MED14: variants seen among roughly 807,000 people sequenced by gnomAD.
MED14 encodes mediator of RNA polymerase II transcription subunit 14.
A neutral mutation model predicts 109.0 loss-of-function variants in MED14; 8 were observed. The observed-to-expected ratio is 0.07, with a 90% CI of 0.04 to 0.13. MED14 has a LOEUF of 0.13. Among genes scored for constraint, MED14 ranks in the 10% least tolerant of loss-of-function variants. MED14 has a pLI of 1.00. For missense variants in MED14, 711 were observed against 1,142.4 expected, an observed-to-expected ratio of 0.62 and a Z score of 5.44; for synonymous variants, 399 against 408.7, an observed-to-expected ratio of 0.98 and a Z score of 0.29.
At chrX:40,735,816 T>G, upstream of MED14, 1 of 331,443 alleles carries the variant, frequency 3.0e-6, no homozygotes, top group Non-Finnish European at 5.8e-6. Context: ...CTCAGCTGTC[T>G]AGCACCGCAG....
chrX:40,696,394 C>A (rs1314821508), intron 13 of MED14, among the ~76,000 whole-genome samples: 1 of 110,788 alleles, frequency 9.0e-6, no homozygotes, highest in African/African-American at 3.3e-5. Flanking sequence ...CCCGCCTCAG[C>A]CTCCCAAGTG....
intron 10 of MED14, among the ~76,000 whole-genome samples, chrX:40,706,249 C>G (rs918454814): frequency 1.8e-5 from 2 of 111,716 alleles, no homozygotes; most frequent in African/African-American, 6.5e-5. Flanking sequence ...TAAATGCATG[C>G]ACATGAATTT....
At chrX:40,656,282 G>A (rs1164054075) in intron 28 of MED14, among the ~76,000 whole-genome samples, 1 of 111,555 alleles carries the variant, frequency 9.0e-6, no homozygotes, top group African/African-American at 3.3e-5. Context: ...CCTACCAAAA[G>A]TCAAGTCAAA....
At chrX:40,665,314 A>G (rs1235997589) in intron 24 of MED14, among the ~76,000 whole-genome samples, 1 of 111,518 alleles carries the variant, frequency 9.0e-6, no homozygotes, top group Non-Finnish European at 1.9e-5. Context: ...GCTTGAGTCC[A>G]GGAGTTCGAG....
chrX:40,665,341 C>T (rs1201550946), intron 24 of MED14, among the ~76,000 whole-genome samples: 3 of 110,928 alleles, frequency 2.7e-5, no homozygotes, highest in South Asian at 7.7e-4. Context: ...CTGGGCAACA[C>T]GGCAAAACCC....
At chrX:40,713,653 G>A (rs936111034) in intron 5 of MED14, 125 bp downstream of exon 5, 6 of 718,370 alleles carry the variant, frequency 8.4e-6, no homozygotes, top group Non-Finnish European at 1.2e-5. Context: ...ATGTTGGCCA[G>A]GCTGGTCTCA....
At chrX:40,728,809 T>C (rs1931980886) in intron 2 of MED14, among the ~76,000 whole-genome samples, 1 of 108,552 alleles carries the variant, frequency 9.2e-6, no homozygotes, top group African/African-American at 3.5e-5. Context: ...AGTGATAAAT[T>C]AGCAGCCAAC....
chrX:40,650,488 C>T lies in MED14; in HGVS notation c.*1318G>A, dbSNP rs931629015. 4.3e-5 allele frequency: 32 copies of T among 752,176 alleles called. No homozygotes were observed. In the African/African-American group the frequency reaches 5.1e-4, roughly 12 times the overall value. The allele number at this position is 752,176 out of a possible 1,213,427, so 62.0% of individuals were successfully genotyped here. On this transcript the variant is annotated 3_prime_UTR_variant, in exon 31 of 31. Transcript: ENST00000324817. ...CCAGTATTACAGTGACCAGGTAACT[C>T]GGCATGGTATTATCACTTAAAAATT... is the stretch of plus-strand genomic sequence containing the variant.
At chrX:40,665,551 C>CA (rs937852928) in intron 24 of MED14, among the ~76,000 whole-genome samples, 1 of 110,900 alleles carries the variant, frequency 9.0e-6, no homozygotes, top group Admixed American at 9.6e-5. Flanking sequence ...CAAAACAAAA[C>CA]AAAAAAACCA....
chrX:40,659,493 G>A lies in MED14; in HGVS notation c.3799C>T (p.Pro1267Ser). 1 of 1,211,184 alleles carries A rather than the reference G, an allele frequency of 8.3e-7. No homozygotes were observed. The highest frequency in any genetic ancestry group is 1.1e-6 in the Non-Finnish European group (1 of 894,996). Reference sequence around the variant, plus strand: ...GGTTTCCACTGTCCTGCATTTTCAGGTGTCACTTTTAGCTGAAGCGTTTGG... The same window carrying A: ...GGTTTCCACTGTCCTGCATTTTCAGATGTCACTTTTAGCTGAAGCGTTTGG... ...TNQTLQLKVTPENAGQWKPDE... is the reference protein window; with the variant it reads ...TNQTLQLKVTSENAGQWKPDE... Residue 1267 changes from proline (P) to serine (S), a missense_variant, in exon 27 of 31, where the codon CCT (proline) becomes TCT (serine). Physicochemically the swap from Pro to Ser is moderately conservative, Grantham distance 74 (BLOSUM62 -1). This residue lies in a region of MED14 where 54 missense variants were observed against 129.6 expected (regional missense o/e 0.42). Transcript: ENST00000324817.
At chrX:40,684,754 AG>A (rs1409471471) in intron 16 of MED14, among the ~76,000 whole-genome samples, 1 of 112,410 alleles carries the variant, frequency 8.9e-6, no homozygotes, top group Non-Finnish European at 1.9e-5. Flanking sequence ...TAGTTAGAAA[AG>A]GAAAGCACAG....
At chrX:40,688,130 T>C (rs945875305) in intron 16 of MED14, among the ~76,000 whole-genome samples, 1 of 111,150 alleles carries the variant, frequency 9.0e-6, no homozygotes, top group African/African-American at 3.3e-5. Flanking sequence ...GGCACGAGAA[T>C]TGCTTGAACC....
At chrX:40,735,816 T>C (rs1246694860), upstream of MED14, 2 of 331,443 alleles carry the variant, frequency 6.0e-6, no homozygotes, top group East Asian at 9.5e-5. Context: ...CTCAGCTGTC[T>C]AGCACCGCAG....
At chrX:40,687,512 G>A (rs1436832206) in intron 16 of MED14, among the ~76,000 whole-genome samples, 1 of 111,799 alleles carries the variant, frequency 8.9e-6, no homozygotes, top group Non-Finnish European at 1.9e-5. Context: ...TTAGGATAAA[G>A]CCTAAATTGT....
intron 28 of MED14, among the ~76,000 whole-genome samples, chrX:40,656,443 CAAGGAT>C (rs1328817657): frequency 5.3e-5 from 6 of 112,307 alleles, no homozygotes; most frequent in Non-Finnish European, 7.5e-5. Context: ...AAACTGTTGA[CAAGGAT>C]GTGGGAAAAA....
chrX:40,703,273 T>C (rs1602478051), intron 11 of MED14, among the ~76,000 whole-genome samples, 171 bp downstream of exon 11: 1 of 112,548 alleles, frequency 8.9e-6, no homozygotes, highest in African/African-American at 3.2e-5. Flanking sequence ...AAATCCAAAG[T>C]AGTTAAAACG....
chrX:40,722,824 T>TA (rs747025706), intron 3 of MED14, among the ~76,000 whole-genome samples: 1 of 111,692 alleles, frequency 9.0e-6, no homozygotes, highest in South Asian at 3.8e-4. Context: ...ATGACATATT[T>TA]AAAGTGCTGA....
intron 23 of MED14, among the ~76,000 whole-genome samples, chrX:40,667,268 C>T (rs1481809660): frequency 2.7e-5 from 3 of 111,743 alleles, no homozygotes; most frequent in Non-Finnish European, 5.6e-5. Context: ...GAAAAAAACA[C>T]AACAGGGTAA....
chrX:40,692,758 C>T lies in MED14; in HGVS notation c.1795G>A (p.Val599Ile), dbSNP rs1205706713. Reference sequence around the variant, plus strand: ...TGTTTCCCGGTTTTTGTACGAAAAACCAAGTCCTGAATGTTTTCCTTGAAC... The same window carrying T: ...TGTTTCCCGGTTTTTGTACGAAAAATCAAGTCCTGAATGTTTTCCTTGAAC... Reference protein sequence around the residue: ...QQFKENIQDLVFRTKTGKQTR... With the variant: ...QQFKENIQDLIFRTKTGKQTR... Residue 599 changes from valine (V) to isoleucine (I), a missense_variant, in exon 14 of 31, where the codon GTT becomes ATT. Val to Ile is a conservative substitution (Grantham distance 29, BLOSUM62 3). Around this residue, in one of 8 missense-constraint regions of MED14, gnomAD observed 388 missense variants for 517.3 expected, o/e 0.75. Transcript: ENST00000324817. The T allele has an allele frequency of 8.3e-7, 1 of 1,209,540 alleles. No individual in the cohort carries two copies. Among genetic ancestry groups the T allele is most frequent in the South Asian group, 1.8e-5 (1 of 56,337 alleles).
Sources: allele counts gnomAD v4.1 joint callset (sites outside exome capture counted in the v4.1 genomes callset), GRCh38; gene constraint gnomAD v4.1.1; regional missense constraint gnomAD v4.1.1; transcripts MANE v1.5; gene names NCBI Gene and HGNC (gene_info 2026-07-23, HGNC 2026-07-21).